INTS15: variants seen among roughly 807,000 people sequenced by gnomAD.
INTS15 encodes uncharacterized protein C7orf26.
At chr7:6,593,939 C>T in the INTS15 span, among the ~76,000 whole-genome samples, 2 of 151,508 alleles carry the variant, frequency 1.3e-5, no homozygotes, top group African/African-American at 2.4e-5. Flanking sequence ...GCATGAGCCG[C>T]CGTGCCCAGC....
At chr7:6,590,266 G>A in the INTS15 span, 1 of 1,501,044 alleles carries the variant, frequency 6.7e-7, no homozygotes, top group Non-Finnish European at 8.8e-7. Flanking sequence ...TCGGCGCGGG[G>A]GCCGCGGCGG....
chr7:6,607,313 C>T, the INTS15 span, among the ~76,000 whole-genome samples: 25 of 151,884 alleles, frequency 1.6e-4, no homozygotes, highest in African/African-American at 5.3e-4. The surrounding 1 kb of genome is among the most constrained non-coding windows in gnomAD (Gnocchi z 6.0). Flanking sequence ...GGCCCGGAGG[C>T]CTTGGTGGGA....
chr7:6,594,357 G>T, the INTS15 span: 1 of 1,433,536 alleles, frequency 7.0e-7, no homozygotes, highest in South Asian at 1.2e-5. Context: ...TTCTGGAGGT[G>T]GTCACTGTGT....
chr7:6,608,280 A>C, the INTS15 span: 1 of 1,469,274 alleles, frequency 6.8e-7, no homozygotes, highest in Middle Eastern at 2.4e-4. Flanking sequence ...CCCCGCCGGC[A>C]GAACCGTCTT....
At chr7:6,600,177 T>A in the INTS15 span, 1 of 1,614,154 alleles carries the variant, frequency 6.2e-7, no homozygotes, top group South Asian at 1.1e-5. Context: ...GAGAAGAATC[T>A]GTATGGGCGC....
At chr7:6,602,269 C>A in the INTS15 span, 1 of 688,804 alleles carries the variant, frequency 1.5e-6, no homozygotes, top group Non-Finnish European at 2.5e-6. Flanking sequence ...ATAAGTGGAG[C>A]ATCAGAAAAC....
chr7:6,601,145 G>T, the INTS15 span, among the ~76,000 whole-genome samples: 1 of 151,996 alleles, frequency 6.6e-6, no homozygotes, highest in African/African-American at 2.4e-5. Context: ...TTTTTAAAAA[G>T]ATTTTTGTAG....
the INTS15 span, among the ~76,000 whole-genome samples, chr7:6,597,596 A>G: frequency 3.1e-4 from 47 of 152,218 alleles, no homozygotes; most frequent in African/African-American, 1.0e-3. Flanking sequence ...CACCCGACCT[A>G]CCTTTTAAGT....
chr7:6,592,105 A>T, the INTS15 span, among the ~76,000 whole-genome samples: 1 of 151,882 alleles, frequency 6.6e-6, no homozygotes, highest in East Asian at 1.9e-4. Flanking sequence ...CGGGAGGCAG[A>T]GGTTGCAGTG....
chr7:6,592,626 T>TC, the INTS15 span, among the ~76,000 whole-genome samples: 1 of 151,798 alleles, frequency 6.6e-6, no homozygotes, highest in Non-Finnish European at 1.5e-5. Flanking sequence ...TTTTTTTTTT[T>TC]CTGACAGGGT....
At chr7:6,591,871 C>G in the INTS15 span, 1 of 1,613,602 alleles carries the variant, frequency 6.2e-7, no homozygotes, top group Non-Finnish European at 8.5e-7. Context: ...GCTTCAGGTA[C>G]TGCTCAAGAG....
At chr7:6,608,076 A>ACCCCCCCCCCC in the INTS15 span, 2 of 1,143,486 alleles carry the variant, frequency 1.7e-6, no homozygotes, top group Non-Finnish European at 2.4e-6. Flanking sequence ...GTCCCGGCCC[A>ACCCCCCCCCCC]CCCCGCCGCC....
chr7:6,594,699 G>C, the INTS15 span: 1 of 1,151,900 alleles, frequency 8.7e-7, no homozygotes, highest in Non-Finnish European at 1.2e-6. Flanking sequence ...TGAATGCTTT[G>C]GCTGTTTTGT....
the INTS15 span, chr7:6,599,806 G>T: frequency 6.2e-7 from 1 of 1,607,128 alleles, no homozygotes; most frequent in African/African-American, 1.3e-5. Context: ...GAGTGCTCCT[G>T]ACCTAATGGT....
the INTS15 span, among the ~76,000 whole-genome samples, chr7:6,597,203 A>G: frequency 6.6e-6 from 1 of 151,976 alleles, no homozygotes; most frequent in African/African-American, 2.4e-5. Flanking sequence ...AGGCTTCCTA[A>G]TTGCTGTTAA....
chr7:6,590,594 G>C, the INTS15 span: 5 of 1,392,480 alleles, frequency 3.6e-6, no homozygotes, highest in South Asian at 4.8e-5. Flanking sequence ...CCGCGCTCGC[G>C]CTCGGCCTCG....
At chr7:6,598,735 T>TTTTGTGTGTGTG in the INTS15 span, among the ~76,000 whole-genome samples, 1 of 83,618 alleles carries the variant, frequency 1.2e-5, no homozygotes, top group African/African-American at 5.1e-5. Context: ...GCTGTATGCT[T>TTTTGTGTGTGTG]TGTGTGTGTG....
the INTS15 span, chr7:6,608,425 T>C: frequency 7.4e-7 from 1 of 1,353,880 alleles, no homozygotes; most frequent in South Asian, 1.6e-5. Flanking sequence ...TGGGAGCCTC[T>C]GTTCTCTGCG....
the INTS15 span, chr7:6,591,825 G>C: frequency 5.0e-6 from 8 of 1,614,118 alleles, no homozygotes; most frequent in Non-Finnish European, 6.8e-6. Flanking sequence ...CGGTGGCTGT[G>C]TGTCGAATCC....
Sources: gnomAD v4.1 joint callset for allele counts (sites outside exome capture counted in the v4.1 genomes callset) on GRCh38, gnomAD v4.1.1 for gene constraint, Gnocchi (gnomAD v3.1) non-coding constraint, MANE v1.5 for transcripts, NCBI Gene and HGNC (gene_info 2026-07-23, HGNC 2026-07-21) for gene names.